CSF1: variants seen among roughly 807,000 people sequenced by gnomAD.
CSF1 encodes the protein colony stimulating factor 1.
In CSF1, 9 loss-of-function variants were observed where a neutral mutation model predicts 48.9. The observed-to-expected ratio is 0.18, with a 90% confidence interval of 0.11 to 0.32. The LOEUF is 0.32. CSF1 is among the 10% of genes least tolerant of loss of function. The pLI is 1.00. For missense variants in CSF1, 672 were observed against 697.9 expected, an observed-to-expected ratio of 0.96 and a Z score of 0.42; for synonymous variants, 305 against 284.1, an observed-to-expected ratio of 1.07 and a Z score of -0.74.
chr1:109,924,359 G>A (rs543729156), intron 6 of CSF1, among the ~76,000 whole-genome samples, 169 bp downstream of exon 6: 27 of 152,250 alleles, frequency 1.8e-4, no homozygotes, highest in Admixed American at 3.3e-4. Context: ...GGATTACTTC[G>A]AGAATTGGGA....
At chr1:109,919,241 T>C (rs1218303634) in intron 4 of CSF1, among the ~76,000 whole-genome samples, 2 of 152,126 alleles carry the variant, frequency 1.3e-5, no homozygotes, top group East Asian at 3.9e-4. Flanking sequence ...TGTTCTGTTT[T>C]TGTTGTCGTT....
At chr1:109,928,485 G>A (rs1395489553) in intron 8 of CSF1, among the ~76,000 whole-genome samples, 6 of 152,194 alleles carry the variant, frequency 3.9e-5, no homozygotes, top group South Asian at 4.1e-4. Context: ...AGATGACCTC[G>A]CCTGAGGAGG....
intron 3 of CSF1, 41 bp downstream of exon 3, chr1:109,915,737 A>G: frequency 2.0e-6 from 3 of 1,515,604 alleles, no homozygotes; most frequent in Non-Finnish European, 2.8e-6. Flanking sequence ...ACCAGCCTGC[A>G]TGCAACTCCC....
intron 4 of CSF1, among the ~76,000 whole-genome samples, chr1:109,918,402 T>C (rs1337952221): frequency 2.0e-5 from 3 of 152,124 alleles, no homozygotes; most frequent in Non-Finnish European, 4.4e-5. Context: ...TCTCAGGTTA[T>C]AAGACTGACC....
In CSF1 at chr1:109,914,163, G is replaced by A; in HGVS notation, c.40-96G>A. 12 of 1,345,792 alleles carry A rather than the reference G, an allele frequency of 8.9e-6. No individual in the cohort carries two copies. In the South Asian group the frequency reaches 2.1e-4, roughly 23 times the overall value. 83.4% of individuals were successfully genotyped at this position (1,345,792 alleles called of 1,614,324 possible). On this transcript the variant is annotated intron_variant, in intron 1 of 8. Coordinates refer to ENST00000329608, the MANE Select transcript of CSF1 (RefSeq NM_000757.6). Reference sequence around the variant, plus strand: ...GGTAAGGGGCAGAGCCTGTAGCATTGTAGATATGAGGCCTTTGTTTTTCTG... The same window carrying A: ...GGTAAGGGGCAGAGCCTGTAGCATTATAGATATGAGGCCTTTGTTTTTCTG...
chr1:109,910,883 G>C lies in CSF1; in HGVS notation c.-141G>C, dbSNP rs765393611. 1 of 461,090 alleles carries C rather than the reference G, an allele frequency of 2.2e-6. No homozygotes were observed. Among genetic ancestry groups the C allele is most frequent in the Non-Finnish European group, 3.0e-6 (1 of 333,918 alleles). The allele number at this position is 461,090 out of a possible 1,614,324, so 28.6% of individuals were successfully genotyped here. ...CCCGGGGAAAGTGAAAGTTTGCCTG[G>C]GTCCTCTCGGCGCCAGAGCCGCTCT... On this transcript the variant is annotated 5_prime_UTR_variant, in exon 1 of 9. Coordinates refer to ENST00000329608, the MANE Select transcript of CSF1 (RefSeq NM_000757.6).
At chr1:109,918,939 T>C (rs1248117961) in intron 4 of CSF1, among the ~76,000 whole-genome samples, 1 of 151,700 alleles carries the variant, frequency 6.6e-6, no homozygotes, top group Admixed American at 6.6e-5. Flanking sequence ...AAGCAGAGGA[T>C]GGGGGACCTG....
chr1:109,919,429 A>C (rs961109387), intron 4 of CSF1, among the ~76,000 whole-genome samples: 2 of 152,150 alleles, frequency 1.3e-5, no homozygotes, highest in Non-Finnish European at 2.9e-5. Context: ...GGGTTTCGCA[A>C]TGTTGCCCAG....
At chr1:109,924,931 G>A (rs1214903503) in intron 7 of CSF1, 103 bp downstream of exon 7, 1 of 1,235,530 alleles carries the variant, frequency 8.1e-7, no homozygotes. Flanking sequence ...CTGAGGAAAT[G>A]GAGCTGCAGA....
chr1:109,915,585 A>T (rs1463429691), intron 2 of CSF1, 49 bp from the exon 3 acceptor site: 1 of 1,509,420 alleles, frequency 6.6e-7, no homozygotes, highest in Non-Finnish European at 9.2e-7. Flanking sequence ...CTGAAGGCTG[A>T]GTTGAGCTGT....
In CSF1 at chr1:109,923,638, A is replaced by T; in HGVS notation, c.1017A>T (p.Arg339Ser). 3 of 1,613,918 alleles carry T rather than the reference A, an allele frequency of 1.9e-6. No individual in the cohort carries two copies. Among genetic ancestry groups the T allele is most frequent in the East Asian group, 4.5e-5 (2 of 44,854 alleles). Residue 339 changes from arginine (R) to serine (S), a missense_variant, in exon 6 of 9, where the codon AGA (arginine) becomes AGT (serine). Physicochemically the swap from Arg to Ser is moderately radical, Grantham distance 110 (BLOSUM62 -1). Coordinates refer to ENST00000329608, the MANE Select transcript of CSF1 (RefSeq NM_000757.6). ...GCAGCATGCAGACAGAGCCCGCCAG[A>T]CCCAGCAACTTCCTCTCAGCATCTT... ...GGGSMQTEPA[R>S]PSNFLSASSP...
In CSF1 at chr1:109,911,202, G is replaced by A. The variant is rs566080344; in HGVS notation, c.39+140G>A. 3.4e-3 allele frequency: 1,534 copies of A among 456,020 alleles called. 7 individuals carry two copies. The highest frequency in any genetic ancestry group is 3.8e-3 in the Non-Finnish European group (1,297 of 344,812). The allele number at this position is 456,020 out of a possible 1,614,324, so 28.2% of individuals were successfully genotyped here. A position where few individuals can be genotyped will look rare whatever the true frequency, so the allele number is the denominator to read the frequency against. On this transcript the variant is annotated intron_variant, in intron 1 of 8. Coordinates refer to ENST00000329608, the MANE Select transcript of CSF1 (RefSeq NM_000757.6). Reference sequence around the variant, plus strand: ...CCGGCGTTCCCGCCGCGGACGAACCGCCTTTGCGCACGGACTGGGCCCTGG... The same window carrying A: ...CCGGCGTTCCCGCCGCGGACGAACCACCTTTGCGCACGGACTGGGCCCTGG...
Position 109,930,581 on chromosome 1 carries a change from G to A in CSF1, c.*1743G>A, listed in dbSNP as rs1245514438. ...CAGCTTAGGGAAGGGCAGTGAACTT[G>A]CATATGGGGCTTAGCCTTCTAGTCA... On this transcript the variant is annotated 3_prime_UTR_variant, in exon 9 of 9. Coordinates refer to ENST00000329608, the MANE Select transcript of CSF1 (RefSeq NM_000757.6). The A allele has an allele frequency of 6.6e-6, 1 of 152,180 alleles. No homozygotes were observed. The highest frequency in any genetic ancestry group is 1.5e-5 in the Non-Finnish European group (1 of 68,040). The allele number at this position is 152,180 out of a possible 1,614,324, so 9.4% of individuals were successfully genotyped here. A position where few individuals can be genotyped will look rare whatever the true frequency, so the allele number is the denominator to read the frequency against.
chr1:109,923,436 G>A lies in CSF1; in HGVS notation c.815G>A (p.Ser272Asn), dbSNP rs1647661908. Residue 272 changes from serine to asparagine, a missense_variant, in exon 6 of 9, where the codon AGC (serine) becomes AAC (asparagine). Around this residue, in one of 3 missense-constraint regions of CSF1, gnomAD observed 591 missense variants for 593.6 expected, o/e 1.00. Coordinates refer to ENST00000329608, the MANE Select transcript of CSF1 (RefSeq NM_000757.6). ...EPPETPVVKD[S>N]TIGGSPQPRP... The stretch of plus-strand genomic sequence containing the variant: ...CCAGAGACCCCAGTTGTCAAGGACA[G>A]CACCATCGGTGGCTCACCACAGCCT... 6.2e-7 allele frequency: 1 copy of A among 1,614,126 alleles called. No homozygotes were observed. The highest frequency in any genetic ancestry group is 2.2e-5 in the East Asian group (1 of 44,874).
intron 6 of CSF1, 80 bp downstream of exon 6, chr1:109,924,270 A>T: frequency 7.6e-7 from 1 of 1,309,918 alleles, no homozygotes; most frequent in Non-Finnish European, 1.0e-6. Flanking sequence ...GTGGGGGGAC[A>T]GCTTGGGTGC....
intron 1 of CSF1, 38 bp downstream of exon 1, chr1:109,911,100 G>T: frequency 4.9e-6 from 5 of 1,010,538 alleles, no homozygotes; most frequent in Non-Finnish European, 5.9e-6. Context: ...GGGACGGGCT[G>T]GGGCGGGGGC....
intron 4 of CSF1, 27 bp downstream of exon 4, chr1:109,917,490 T>C (rs369578988): frequency 6.2e-7 from 1 of 1,611,342 alleles, no homozygotes; most frequent in Admixed American, 1.7e-5. Flanking sequence ...CCTGGAGCAC[T>C]GAGTGAGGGC....
intron 4 of CSF1, among the ~76,000 whole-genome samples, chr1:109,920,686 C>T (rs1647491363): frequency 6.6e-6 from 1 of 152,172 alleles, no homozygotes; most frequent in South Asian, 2.1e-4. Flanking sequence ...TCAAGGACTT[C>T]ACAGCCTAGA....
At position 109,923,364 on chromosome 1, in the gene CSF1, G is replaced by A. The variant is rs750809815; in HGVS notation, c.743G>A (p.Ser248Asn). 6 of 1,612,850 alleles carry A rather than the reference G, an allele frequency of 3.7e-6. No individual in the cohort carries two copies. The East Asian group carries it at 1.3e-4, about 36-fold the overall frequency. ...EQPLHTVDPG[S>N]AKQRPPRSTC... ...CCCCTGCACACAGTGGATCCAGGCAGTGCCAAGCAGCGGCCACCCAGGAGC... is the reference window on the plus strand; with the variant it reads ...CCCCTGCACACAGTGGATCCAGGCAATGCCAAGCAGCGGCCACCCAGGAGC... The change falls in exon 6 of 9, where the codon AGT (serine) becomes AAT (asparagine). Residue 248 changes from serine to asparagine, a missense_variant. Coordinates refer to ENST00000329608, the MANE Select transcript of CSF1 (RefSeq NM_000757.6).
Sources: gnomAD v4.1 joint callset for allele counts (sites outside exome capture counted in the v4.1 genomes callset) on GRCh38, gnomAD v4.1.1 for gene constraint, gnomAD v4.1.1 regional missense constraint, MANE v1.5 for transcripts, NCBI Gene and HGNC (gene_info 2026-07-23, HGNC 2026-07-21) for gene names.